The following SLC27A4 variants were observed in gnomAD, a reference collection of about 807,000 sequenced individuals.
SLC27A4 encodes the protein long-chain fatty acid transport protein 4.
SLC27A4 carries 33 observed loss-of-function variants against 64.4 expected under a neutral mutation model. That is an observed-to-expected ratio of 0.51 (90% CI 0.39 to 0.68). SLC27A4 has a LOEUF of 0.68. Among genes scored for constraint, SLC27A4 ranks in the 30% least tolerant of loss-of-function variants. The pLI, the probability that SLC27A4 is intolerant of heterozygous loss-of-function variation, is 0.00. For synonymous variants in SLC27A4, 377 were observed against 370.0 expected (o/e 1.02, Z -0.22); for missense variants, 824 against 883.5 (o/e 0.93, Z 0.85).
intron 12 of SLC27A4, among the ~76,000 whole-genome samples, chr9:128,359,069 G>GGT (rs1832861508): frequency 6.6e-6 from 1 of 152,204 alleles, no homozygotes; most frequent in African/African-American, 2.4e-5. Context: ...ACATAGCAGA[G>GGT]GTGTGTGTGT....
At chr9:128,352,818 A>G in intron 7 of SLC27A4, 71 bp downstream of exon 7, 2 of 1,258,296 alleles carry the variant, frequency 1.6e-6, no homozygotes, top group Non-Finnish European at 2.3e-6. Flanking sequence ...ACTCCGGGGC[A>G]TCTGTCTTAT....
chr9:128,353,195 C>A lies in SLC27A4; in HGVS notation c.1158C>A (p.Ala386=). 1 of 1,614,140 alleles carries A rather than the reference C, an allele frequency of 6.2e-7. No homozygotes were observed. The highest frequency in any genetic ancestry group is 1.3e-5 in the African/African-American group (1 of 75,050). Residue 386 remains alanine, a synonymous_variant, in exon 8 of 13, where the codon GCC becomes GCA. Coordinates refer to ENST00000300456, the MANE Select transcript of SLC27A4 (RefSeq NM_005094.4). The surrounding 1 kb of genome is among the most constrained non-coding windows in gnomAD (Gnocchi z 4.9). ...HIPQVAEFYG[A]TECNCSLGNF... Reference sequence around the variant, plus strand: ...CCCAGGTGGCTGAGTTCTACGGGGCCACAGAGTGCAACTGTAGCCTGGGCA... The same window carrying A: ...CCCAGGTGGCTGAGTTCTACGGGGCAACAGAGTGCAACTGTAGCCTGGGCA...
At position 128,340,699 on chromosome 9, in the gene SLC27A4, C is replaced by T. The variant is rs1564397088; in HGVS notation, c.-146C>T. ...GGCGGGGCTGGCGGGGCGGCCGGGC[C>T]ATGCAGGGCGCAGAGCCGGCTAAAC... On this transcript the variant is annotated 5_prime_UTR_variant, in exon 1 of 13. Coordinates refer to ENST00000300456, the MANE Select transcript of SLC27A4 (RefSeq NM_005094.4). 2.3e-6 allele frequency: 1 copy of T among 443,080 alleles called. No individual in the cohort carries two copies. Among genetic ancestry groups the T allele is most frequent in the Non-Finnish European group, 4.0e-6 (1 of 246,920 alleles). The allele number at this position is 443,080 out of a possible 1,614,324, so 27.4% of individuals were successfully genotyped here.
At position 128,360,645 on chromosome 9, in the gene SLC27A4, A is replaced by C; in HGVS notation, c.*154A>C. 4.1e-6 allele frequency: 3 copies of C among 732,398 alleles called. No homozygotes were observed. The highest frequency in any genetic ancestry group is 1.8e-5 in the African/African-American group (1 of 56,658). 45.4% of individuals were successfully genotyped at this position (732,398 alleles called of 1,614,324 possible). On this transcript the variant is annotated 3_prime_UTR_variant, in exon 13 of 13. Coordinates refer to ENST00000300456, the MANE Select transcript of SLC27A4 (RefSeq NM_005094.4). The stretch of plus-strand genomic sequence containing the variant: ...TCCATCCAAAACTGCCAAGTGACTC[A>C]TTGCCTTCCCAACCCTTCCAGAGGC...
chr9:128,356,228 C>G (rs1044925118), intron 12 of SLC27A4, among the ~76,000 whole-genome samples: 3 of 152,192 alleles, frequency 2.0e-5, no homozygotes, highest in Non-Finnish European at 4.4e-5. Context: ...GAAGGCTCCT[C>G]TGAGGAGGGG....
At chr9:128,348,750 G>T in intron 4 of SLC27A4, 47 bp downstream of exon 4, 1 of 1,594,736 alleles carries the variant, frequency 6.3e-7, no homozygotes. Context: ...ACAGGCCCTG[G>T]ACAGAGCACT....
intron 12 of SLC27A4, among the ~76,000 whole-genome samples, chr9:128,357,539 C>G (rs966617493): frequency 3.5e-4 from 54 of 152,162 alleles, no homozygotes; most frequent in African/African-American, 1.2e-3. Context: ...GCAGGCAGCC[C>G]TGAGGGAGCT....
Position 128,345,490 on chromosome 9 carries a change from T to G in SLC27A4, c.497T>G (p.Leu166Arg). 1.9e-6 allele frequency: 3 copies of G among 1,612,154 alleles called. No individual in the cohort carries two copies. The highest frequency in any genetic ancestry group is 2.5e-6 in the Non-Finnish European group (3 of 1,179,482). Residue 166 changes from leucine (L) to arginine (R), a missense_variant, in exon 3 of 13, where the codon CTC (leucine) becomes CGC (arginine). Coordinates refer to ENST00000300456, the MANE Select transcript of SLC27A4 (RefSeq NM_005094.4). The surrounding 1 kb of genome is among the most constrained non-coding windows in gnomAD (Gnocchi z 4.1). ...ACCAACCTGCGGCGGGATGCTCTGC[T>G]CCACTGCCTCACCACCTCGCGCGCA... ...INTNLRRDAL[L>R]HCLTTSRARA...
chr9:128,341,260 G>A (rs1464578440), intron 1 of SLC27A4, among the ~76,000 whole-genome samples: 1 of 152,182 alleles, frequency 6.6e-6, no homozygotes, highest in Non-Finnish European at 1.5e-5. Flanking sequence ...TGGCTTGGAG[G>A]CTCTCAGGCC....
In SLC27A4 at chr9:128,355,140, A is replaced by G; in HGVS notation, c.1412A>G (p.Lys471Arg). The G allele has an allele frequency of 6.2e-7, 1 of 1,613,612 alleles. No individual in the cohort carries two copies. Residue 471 changes from lysine to arginine, a missense_variant, in exon 10 of 13, where the codon AAG (lysine) becomes AGG (arginine). Physicochemically the swap from Lys to Arg is conservative, Grantham distance 26 (BLOSUM62 2). Transcript: ENST00000300456. ...TACCTCAACCAGGGCGCCAACAACA[A>G]GAAGATTGCCAAGGATGTCTTCAAG... ...DGYLNQGANNKKIAKDVFKKG... is the reference protein window; with the variant it reads ...DGYLNQGANNRKIAKDVFKKG...
At position 128,360,745 on chromosome 9, in the gene SLC27A4, C is replaced by T. The variant is rs186434263; in HGVS notation, c.*254C>T. The stretch of plus-strand genomic sequence containing the variant: ...CCTCTGGTTCCCAGGCTGAGACTGA[C>T]GGGTTTTCTCAGGATGATGTCTTGG... On this transcript the variant is annotated 3_prime_UTR_variant, in exon 13 of 13. Coordinates refer to ENST00000300456, the MANE Select transcript of SLC27A4 (RefSeq NM_005094.4). The T allele has an allele frequency of 5.4e-5, 28 of 518,062 alleles. No homozygotes were observed. The highest frequency in any genetic ancestry group is 2.5e-4 in the East Asian group (7 of 28,456). 32.1% of individuals were successfully genotyped at this position (518,062 alleles called of 1,614,324 possible). A position where few individuals can be genotyped will look rare whatever the true frequency, so the allele number is the denominator to read the frequency against.
rs1368144030 is a variant in SLC27A4, at chr9:128,361,334, T to TC, written c.*844dup. On this transcript the variant is annotated 3_prime_UTR_variant, in exon 13 of 13. Transcript: ENST00000300456. ...TGGCCCATTGACCCGCCTCATCTGT[T>TC]CATTCACTTATCTAAGCTGAGGGTG... 2 of 152,548 alleles carry TC rather than the reference T, an allele frequency of 1.3e-5. No homozygotes were observed. Among genetic ancestry groups the TC allele is most frequent in the Admixed American group, 6.5e-5 (1 of 15,284 alleles). The allele number at this position is 152,548 out of a possible 1,614,324, so 9.4% of individuals were successfully genotyped here.
Position 128,350,400 on chromosome 9 carries a change from G to T in SLC27A4, c.785+19G>T. ...ACAGCAGGTAAGGGGCAGGTGCCCA[G>T]GGTGGGGTAGGCACAGGCAGGGCTG... On this transcript the variant is annotated intron_variant, in intron 5 of 12. Coordinates refer to ENST00000300456, the MANE Select transcript of SLC27A4 (RefSeq NM_005094.4). The T allele has an allele frequency of 6.2e-7, 1 of 1,613,482 alleles. No homozygotes were observed.
chr9:128,344,710 T>C (rs747216170), intron 2 of SLC27A4, among the ~76,000 whole-genome samples: 2 of 152,108 alleles, frequency 1.3e-5, no homozygotes, highest in Non-Finnish European at 2.9e-5. Context: ...TTATTTACTG[T>C]GGTCATGGTG....
intron 12 of SLC27A4, among the ~76,000 whole-genome samples, chr9:128,356,814 G>A (rs1341331729): frequency 1.3e-5 from 2 of 148,728 alleles, no homozygotes; most frequent in Non-Finnish European, 3.0e-5. Flanking sequence ...AAATTAGGCT[G>A]AGCATGGTGG....
Position 128,352,717 on chromosome 9 carries a change from C to A in SLC27A4, c.957C>A (p.Phe319Leu), listed in dbSNP as rs749783583. ...GGAAGAAGTTCTCAGCCTCCCGGTT[C>A]TGGGACGATTGTATCAAGTACAACT... ...VIRKKFSASR[F>L]WDDCIKYNCT... The change falls in exon 7 of 13, where the codon TTC becomes TTA. Residue 319 changes from phenylalanine (F) to leucine (L), a missense_variant. Physicochemically the swap from Phe to Leu is conservative, Grantham distance 22. Transcript: ENST00000300456. 1 of 1,614,052 alleles carries A rather than the reference C, an allele frequency of 6.2e-7. No individual in the cohort carries two copies. Among genetic ancestry groups the A allele is most frequent in the Non-Finnish European group, 8.5e-7 (1 of 1,179,892 alleles).
chr9:128,351,399 C>G (rs1832734412), intron 6 of SLC27A4, among the ~76,000 whole-genome samples: 1 of 152,038 alleles, frequency 6.6e-6, no homozygotes, highest in Non-Finnish European at 1.5e-5. Flanking sequence ...TGCACTCCAG[C>G]CTGGGCAACA....
At chr9:128,355,881 C>T (rs1217804187) in intron 12 of SLC27A4, 85 bp downstream of exon 12, 2 of 1,568,440 alleles carry the variant, frequency 1.3e-6, no homozygotes, top group African/African-American at 1.3e-5. Flanking sequence ...GTTACTTGAC[C>T]TCTGCACACA....
chr9:128,346,982 A>G (rs1015011162), intron 3 of SLC27A4, among the ~76,000 whole-genome samples: 4 of 152,056 alleles, frequency 2.6e-5, no homozygotes, highest in Non-Finnish European at 4.4e-5. Flanking sequence ...TCCAGCCTGG[A>G]TGACAGAGAG....
Sources: allele counts gnomAD v4.1 joint callset (sites outside exome capture counted in the v4.1 genomes callset), GRCh38; gene constraint gnomAD v4.1.1; non-coding constraint Gnocchi (gnomAD v3.1); transcripts MANE v1.5; gene names NCBI Gene and HGNC (gene_info 2026-07-23, HGNC 2026-07-21).